TANC1: variants seen among roughly 807,000 people sequenced by gnomAD.
TANC1 encodes tetratricopeptide repeat, ankyrin repeat and coiled-coil containing 1, also known as protein TANC1.
In TANC1, 77 loss-of-function variants were observed where a neutral mutation model predicts 149.7. That is an observed-to-expected ratio of 0.51 (90% CI 0.43 to 0.62). The LOEUF is 0.62. Ranked by LOEUF, TANC1 falls within the 20% of genes least tolerant of loss-of-function variation. TANC1 has a pLI of 0.00. For synonymous variants in TANC1, 854 were observed against 925.0 expected (o/e 0.92, Z 1.39); for missense variants, 1,985 against 2,321.8 (o/e 0.85, Z 2.98).
intron 4 of TANC1, among the ~76,000 whole-genome samples, chr2:159,117,157 A>G (rs2150064750): frequency 6.6e-6 from 1 of 152,316 alleles, no homozygotes; most frequent in Non-Finnish European, 1.5e-5. Context: ...AATACAACAT[A>G]GAAAGTAAAA....
chr2:159,137,816 G>A lies in TANC1; in HGVS notation c.364+1518G>A, dbSNP rs569824752. Among the ~76,000 whole-genome samples, 6 of 152,290 alleles carry A rather than the reference G, an allele frequency of 3.9e-5. No homozygotes were observed. In the East Asian group the frequency reaches 7.7e-4, roughly 20 times the overall value. ...TGTAGCCCTGGTCAATTATGCCCCTGGCATTTTGGCTGGCCTAGGCTCCAT... is the reference window on the plus strand; with the variant it reads ...TGTAGCCCTGGTCAATTATGCCCCTAGCATTTTGGCTGGCCTAGGCTCCAT... On this transcript the variant is annotated intron_variant, in intron 5 of 26. Coordinates refer to ENST00000263635, the MANE Select transcript of TANC1 (RefSeq NM_033394.3).
At chr2:159,046,018 C>G (rs149961647) in intron 2 of TANC1, among the ~76,000 whole-genome samples, 1 of 152,122 alleles carries the variant, frequency 6.6e-6, no homozygotes, top group Non-Finnish European at 1.5e-5. Flanking sequence ...TGTGGTAACA[C>G]GTTTCTCAAA....
chr2:159,162,756 G>A (rs915734243), intron 7 of TANC1, among the ~76,000 whole-genome samples: 3 of 152,074 alleles, frequency 2.0e-5, no homozygotes, highest in Non-Finnish European at 4.4e-5. Context: ...TTGAATAGAT[G>A]TTATAAGCTT....
At chr2:159,198,202 C>A (rs149583820) in intron 18 of TANC1, among the ~76,000 whole-genome samples, 4 of 152,260 alleles carry the variant, frequency 2.6e-5, no homozygotes, top group Non-Finnish European at 2.9e-5. Context: ...CAGATATAGA[C>A]CTTGATAATT....
At chr2:159,127,123 CA>C (rs1325012295) in intron 4 of TANC1, among the ~76,000 whole-genome samples, 24 of 151,956 alleles carry the variant, frequency 1.6e-4, no homozygotes, top group Non-Finnish European at 2.6e-4. Context: ...AGCATGGCTA[CA>C]AAAAAATCCC....
At chr2:159,199,523 C>G (rs1302041114) in intron 19 of TANC1, among the ~76,000 whole-genome samples, 1 of 152,220 alleles carries the variant, frequency 6.6e-6, no homozygotes, top group Non-Finnish European at 1.5e-5. Context: ...GTGGGGTTTA[C>G]TCACATTACC....
rs370333609 is a variant in TANC1, at chr2:159,023,966, T to C, written c.-16+22777T>C. Among the ~76,000 whole-genome samples, 15 of 138,412 alleles carry C rather than the reference T, an allele frequency of 1.1e-4. No homozygotes were observed. In the East Asian group the frequency reaches 3.1e-3, roughly 29 times the overall value. The allele number at this position is 138,412 out of a possible 152,430, so 90.8% of individuals were successfully genotyped here. ...CTGGGTGACAGAGTAAGACTCCATC[T>C]CAAAAAAAAAAAAAAAATTGTCAAA... On this transcript the variant is annotated intron_variant, in intron 2 of 26. Coordinates refer to ENST00000263635, the MANE Select transcript of TANC1 (RefSeq NM_033394.3).
intron 2 of TANC1, among the ~76,000 whole-genome samples, chr2:159,025,189 T>TTTTCTTTTCTTTC (rs1553519915): frequency 1.1e-4 from 12 of 105,222 alleles, no homozygotes; most frequent in Admixed American, 3.3e-4. Context: ...TTTTTCTTTC[T>TTTTCTTTTCTTTC]TTTCTTTCTT....
chr2:159,123,582 T>A (rs1018781386), intron 4 of TANC1, among the ~76,000 whole-genome samples: 1 of 152,186 alleles, frequency 6.6e-6, no homozygotes, highest in Non-Finnish European at 1.5e-5. Flanking sequence ...TGAAATGGAA[T>A]TCTGTGGTAG....
intron 16 of TANC1, among the ~76,000 whole-genome samples, chr2:159,188,981 C>T (rs1434833662): frequency 1.3e-5 from 2 of 152,218 alleles, no homozygotes; most frequent in African/African-American, 4.8e-5. Context: ...GACTGCTGCT[C>T]TGCCACCTGG....
chr2:159,047,864 CATTT>C (rs941084384), intron 2 of TANC1, among the ~76,000 whole-genome samples: 20 of 152,280 alleles, frequency 1.3e-4, no homozygotes, highest in African/African-American at 4.6e-4. Flanking sequence ...ACACCACTAA[CATTT>C]AATTATAAAT....
chr2:159,225,688 G>A lies in TANC1; in HGVS notation c.3812G>A (p.Gly1271Glu). Residue 1271 changes from glycine (G) to glutamate (E), a missense_variant and splice_region_variant, in exon 24 of 27, where the codon GGA becomes GAA. Transcript: ENST00000263635. The stretch of plus-strand genomic sequence containing the variant: ...CTCTGAATGCGTGTTTGTTTTGCAG[G>A]AAATGCTGCTTGGGCGATGGCCACT... ...VALLRKGAKL[G>E]NAAWAMATSK... 1 of 1,613,792 alleles carries A rather than the reference G, an allele frequency of 6.2e-7. No homozygotes were observed. Among genetic ancestry groups the A allele is most frequent in the Non-Finnish European group, 8.5e-7 (1 of 1,179,636 alleles).
intron 3 of TANC1, among the ~76,000 whole-genome samples, chr2:159,082,090 C>T (rs1378604710): frequency 6.6e-6 from 1 of 152,254 alleles, no homozygotes; most frequent in Non-Finnish European, 1.5e-5. Flanking sequence ...GGGTGCCCTG[C>T]TCAGAGATGG....
intron 2 of TANC1, among the ~76,000 whole-genome samples, chr2:159,061,310 G>A (rs78663724): frequency 0.031 from 4,644 of 152,248 alleles, 231 homozygotes; most frequent in East Asian, 0.16. Flanking sequence ...TGGCATATAA[G>A]AGAAACTGCA....
intron 16 of TANC1, among the ~76,000 whole-genome samples, chr2:159,192,108 A>G (rs941900684): frequency 2.0e-5 from 3 of 152,142 alleles, no homozygotes; most frequent in Non-Finnish European, 4.4e-5. Context: ...TTTTCCCAAT[A>G]CCTAGATCCA....
chr2:159,186,071 C>A (rs1484279275), intron 15 of TANC1, among the ~76,000 whole-genome samples, 172 bp downstream of exon 15: 1 of 152,200 alleles, frequency 6.6e-6, no homozygotes, highest in African/African-American at 2.4e-5. Context: ...CTGACTCAGC[C>A]TGGGCATTTC....
At chr2:159,148,985 T>A (rs2052464039) in intron 5 of TANC1, 157 bp from the exon 6 acceptor site, 1 of 761,024 alleles carries the variant, frequency 1.3e-6, no homozygotes, top group African/African-American at 1.8e-5. Flanking sequence ...TTAATTAGAA[T>A]GTATTGCTAG....
At chr2:159,116,990 T>C (rs1255706484) in intron 4 of TANC1, among the ~76,000 whole-genome samples, 1 of 152,194 alleles carries the variant, frequency 6.6e-6, no homozygotes, top group Non-Finnish European at 1.5e-5. Context: ...CCACCCGGAA[T>C]AGTGGCCTTC....
chr2:159,017,881 A>G (rs1302291758), intron 2 of TANC1, among the ~76,000 whole-genome samples: 2 of 152,184 alleles, frequency 1.3e-5, no homozygotes, highest in Admixed American at 6.5e-5. Context: ...AAATAAATAA[A>G]AAAGAAAGAA....
Sources: allele counts gnomAD v4.1 joint callset (sites outside exome capture counted in the v4.1 genomes callset), GRCh38; gene constraint gnomAD v4.1.1; transcripts MANE v1.5; gene names NCBI Gene and HGNC (gene_info 2026-07-23, HGNC 2026-07-21).